SETD2: variants seen among roughly 807,000 people sequenced by gnomAD.
SETD2 encodes the protein histone-lysine N-methyltransferase SETD2.
SETD2 carries 31 observed loss-of-function variants against 242.1 expected under a neutral mutation model. The observed-to-expected ratio is 0.13, with a 90% CI of 0.10 to 0.17. The LOEUF (loss-of-function observed/expected upper bound fraction) is 0.17. Among genes scored for constraint, SETD2 ranks in the 10% least tolerant of loss-of-function variants. The pLI is 1.00. For missense variants in SETD2, 2,481 were observed against 3,046.3 expected (o/e 0.81, Z 4.37); for synonymous variants, 1,006 against 1,066.5 (o/e 0.94, Z 1.11).
intron 4 of SETD2, among the ~76,000 whole-genome samples, chr3:47,115,235 G>A (rs1477616872): frequency 6.6e-6 from 1 of 152,102 alleles, no homozygotes; most frequent in Non-Finnish European, 1.5e-5. Context: ...ATGCTACCAA[G>A]GGCTCTGAAT....
In SETD2 at chr3:47,150,028, C is replaced by CTTTTTTTTTT. The variant is rs71098457; in HGVS notation, c.71+13816_71+13825dup. ...GTGTCTTTTGGCATATCCAAAAATACTTTTTTTTTTTTTTTTTTTTGAGAC... is the reference window on the plus strand; with the variant it reads ...GTGTCTTTTGGCATATCCAAAAATACTTTTTTTTTTTTTTTTTTTTTTTTTTTTTTGAGAC... On this transcript the variant is annotated intron_variant, in intron 1 of 20. Coordinates refer to ENST00000409792, the MANE Select transcript of SETD2 (RefSeq NM_014159.7). 1.6e-3 allele frequency among the ~76,000 whole-genome samples: 151 copies of CTTTTTTTTTT among 92,428 alleles called. 9 individuals are homozygous for CTTTTTTTTTT. Among genetic ancestry groups the CTTTTTTTTTT allele is most frequent in the Middle Eastern group, 7.4e-3 (1 of 136 alleles). 60.6% of individuals were successfully genotyped at this position (92,428 alleles called of 152,430 possible).
intron 5 of SETD2, among the ~76,000 whole-genome samples, chr3:47,106,860 A>G (rs1049349932): frequency 1.3e-5 from 2 of 151,956 alleles, no homozygotes; most frequent in African/African-American, 2.4e-5. Flanking sequence ...ACTTAAATAT[A>G]GCAGCCCTTC....
At chr3:47,082,379 C>T (rs1021689242) in intron 12 of SETD2, among the ~76,000 whole-genome samples, 6 of 152,154 alleles carry the variant, frequency 3.9e-5, no homozygotes, top group Non-Finnish European at 4.4e-5. Context: ...TCATCTCCAC[C>T]TTCTTAACTG....
chr3:47,041,644 CACACACACAGAG>C (rs2039285970), intron 17 of SETD2, among the ~76,000 whole-genome samples: 1 of 152,100 alleles, frequency 6.6e-6, no homozygotes, highest in Admixed American at 6.6e-5. Flanking sequence ...TATACACACA[CACACACACAGAG>C]ACACACACAC....
At chr3:47,145,238 G>A (rs1000227605) in intron 1 of SETD2, among the ~76,000 whole-genome samples, 3 of 152,194 alleles carry the variant, frequency 2.0e-5, no homozygotes, top group Non-Finnish European at 2.9e-5. Context: ...GCATATACAC[G>A]AGATATCTTG....
intron 18 of SETD2, among the ~76,000 whole-genome samples, chr3:47,036,979 A>G (rs2039029203): frequency 6.7e-6 from 1 of 149,726 alleles, no homozygotes; most frequent in Non-Finnish European, 1.5e-5. Context: ...CACCCATCAC[A>G]ATTCTTGGCC....
At chr3:47,094,190 C>T (rs1302232363) in intron 9 of SETD2, among the ~76,000 whole-genome samples, 2 of 152,074 alleles carry the variant, frequency 1.3e-5, no homozygotes, top group Non-Finnish European at 2.9e-5. Context: ...ATTTTCTGTT[C>T]GTACCATAAA....
chr3:47,107,721 G>C (rs1559727670), intron 5 of SETD2, among the ~76,000 whole-genome samples: 3 of 990 alleles, frequency 3.0e-3, no homozygotes, highest in Non-Finnish European at 6.3e-3. Context: ...TTTGGGTGGC[G>C]GGGGGGGGTG....
chr3:47,032,451 T>C (rs2107519604), intron 18 of SETD2, among the ~76,000 whole-genome samples: 1 of 151,108 alleles, frequency 6.6e-6, no homozygotes, highest in African/African-American at 2.4e-5. Flanking sequence ...GCCACTGCAC[T>C]CCAGCCTGGG....
chr3:47,161,108 C>A (rs572279001), intron 1 of SETD2, among the ~76,000 whole-genome samples: 1 of 152,288 alleles, frequency 6.6e-6, no homozygotes, highest in East Asian at 1.9e-4. Context: ...GGCACTTGGT[C>A]ATTTCTCCCC....
At chr3:47,146,621 C>T (rs1015467307) in intron 1 of SETD2, among the ~76,000 whole-genome samples, 19 of 107,178 alleles carry the variant, frequency 1.8e-4, no homozygotes, top group African/African-American at 7.3e-4. Flanking sequence ...AGTGAGACTC[C>T]GTCTAAAAAA....
chr3:47,112,277 G>C (rs1468138204), intron 5 of SETD2, among the ~76,000 whole-genome samples: 1 of 151,580 alleles, frequency 6.6e-6, no homozygotes, highest in Non-Finnish European at 1.5e-5. Context: ...ATCATGCCTG[G>C]CTAATTTTTG....
chr3:47,115,210 A>G (rs1470481993), intron 4 of SETD2, among the ~76,000 whole-genome samples: 1 of 152,240 alleles, frequency 6.6e-6, no homozygotes, highest in African/African-American at 2.4e-5. Context: ...GAGGATGAAA[A>G]GACAGGCTGA....
chr3:47,146,546 T>C (rs1233525075), intron 1 of SETD2, among the ~76,000 whole-genome samples: 1 of 151,376 alleles, frequency 6.6e-6, no homozygotes, highest in Non-Finnish European at 1.5e-5. Context: ...GAGAATCGCT[T>C]GAATCCAGAG....
rs1167991188 is a variant in SETD2, at chr3:47,046,352, TA to T, written c.7098+134del. Reference sequence around the variant, plus strand: ...ACTCTGTCTCAAAAAAAAAATAAAATAAAATAAAATAAAACAAAGAACACGT... The same window carrying T: ...ACTCTGTCTCAAAAAAAAAATAAAATAAATAAAATAAAACAAAGAACACGT... On this transcript the variant is annotated intron_variant, in intron 16 of 20. Transcript: ENST00000409792. 69 of 657,778 alleles carry T rather than the reference TA, an allele frequency of 1.0e-4. No individual in the cohort carries two copies. The East Asian group carries it at 2.0e-3, about 19-fold the overall frequency. 40.7% of individuals were successfully genotyped at this position (657,778 alleles called of 1,614,324 possible). A position where few individuals can be genotyped will look rare whatever the true frequency, so the allele number is the denominator to read the frequency against.
intron 5 of SETD2, among the ~76,000 whole-genome samples, chr3:47,112,539 C>T (rs1311410444): frequency 6.6e-6 from 1 of 151,984 alleles, no homozygotes; most frequent in East Asian, 1.9e-4. Flanking sequence ...ACCTCGGCCT[C>T]CCAAAGTGCT....
At chr3:47,019,318 C>T (rs968497541) in intron 19 of SETD2, among the ~76,000 whole-genome samples, 4 of 152,224 alleles carry the variant, frequency 2.6e-5, no homozygotes, top group African/African-American at 7.2e-5. Context: ...GAAAGGCAAT[C>T]TGTCTTGCCT....
At chr3:47,096,970 T>C (rs1011862752) in intron 9 of SETD2, among the ~76,000 whole-genome samples, 19 of 152,218 alleles carry the variant, frequency 1.2e-4, no homozygotes, top group Non-Finnish European at 2.4e-4. Context: ...AGAATTCAGA[T>C]TCTTAATACT....
intron 12 of SETD2, among the ~76,000 whole-genome samples, chr3:47,078,501 C>T (rs1402869385): frequency 6.7e-6 from 1 of 149,614 alleles, no homozygotes; most frequent in Non-Finnish European, 1.5e-5. Flanking sequence ...ATGTGTGCTC[C>T]CATATTAGAT....
Sources: gnomAD v4.1 joint callset for allele counts (sites outside exome capture counted in the v4.1 genomes callset) on GRCh38, gnomAD v4.1.1 for gene constraint, MANE v1.5 for transcripts, NCBI Gene and HGNC (gene_info 2026-07-23, HGNC 2026-07-21) for gene names.